Variants in PRMT9 observed in about 807,000 individuals in gnomAD.
PRMT9 encodes the protein protein arginine N-methyltransferase 9.
In PRMT9, 59 loss-of-function variants were observed where a neutral mutation model predicts 83.2. The observed-to-expected ratio is 0.71, with a 90% CI of 0.57 to 0.88. The LOEUF (loss-of-function observed/expected upper bound fraction) is 0.88, where lower values mean the gene tolerates loss of function less well. Among genes scored for constraint, PRMT9 ranks in the 40% least tolerant of loss-of-function variants. The probability of loss-of-function intolerance (pLI) is 0.00; values close to 1 mark genes in which losing one functional copy is unlikely to be tolerated. For missense variants in PRMT9, 947 were observed against 1,021.9 expected (o/e 0.93, Z 1.00); for synonymous variants, 333 against 353.2 (o/e 0.94, Z 0.64).
chr4:147,670,474 C>T (rs1339840849), intron 5 of PRMT9, among the ~76,000 whole-genome samples, 167 bp downstream of exon 5: 2 of 152,200 alleles, frequency 1.3e-5, no homozygotes, highest in Non-Finnish European at 2.9e-5. Context: ...CCACTGCACC[C>T]GGCCAGTAAA....
intron 9 of PRMT9, among the ~76,000 whole-genome samples, chr4:147,653,628 C>A (rs748000618): frequency 1.3e-5 from 2 of 151,932 alleles, no homozygotes; most frequent in Non-Finnish European, 2.9e-5. Flanking sequence ...ATTATGGGAA[C>A]GTGTCAAAAA....
At chr4:147,649,796 C>T (rs1260234385) in intron 9 of PRMT9, among the ~76,000 whole-genome samples, 1 of 152,040 alleles carries the variant, frequency 6.6e-6, no homozygotes, top group Non-Finnish European at 1.5e-5. Flanking sequence ...TGAGCCACCG[C>T]ATCCAGCAAG....
In PRMT9 at chr4:147,683,981, T is replaced by A. The variant is rs1017649553; in HGVS notation, c.7A>T (p.Asn3Tyr). The change falls in exon 1 of 12, where the codon AAC (asparagine) becomes TAC (tyrosine). Residue 3 changes from asparagine (N) to tyrosine (Y), a missense_variant. By Grantham distance (143) the Asn-to-Tyr change is moderately radical. Coordinates refer to ENST00000322396, the MANE Select transcript of PRMT9 (RefSeq NM_138364.4). MS[N>Y]SRPRSRRDAG... ...TCTCGGCGGGACCTGGGCCGCGAGT[T>A]CGACATGGCAGTCACCACTTGTATG... is the stretch of plus-strand genomic sequence containing the variant. 2 of 1,612,682 alleles carry A rather than the reference T, an allele frequency of 1.2e-6. No individual in the cohort carries two copies. The highest frequency in any genetic ancestry group is 2.7e-5 in the African/African-American group (2 of 74,918).
intron 2 of PRMT9, among the ~76,000 whole-genome samples, chr4:147,675,024 AG>A (rs1456655296): frequency 6.6e-6 from 1 of 152,126 alleles, no homozygotes; most frequent in Non-Finnish European, 1.5e-5. Flanking sequence ...TTTGTTGCCC[AG>A]GCTGGAGTGC....
chr4:147,650,048 G>A (rs567077427), intron 9 of PRMT9, among the ~76,000 whole-genome samples: 8 of 152,308 alleles, frequency 5.3e-5, no homozygotes, highest in African/African-American at 1.9e-4. Flanking sequence ...AGCCATATAT[G>A]AAAAGCCCAC....
At chr4:147,647,571 G>A (rs1733810631) in intron 9 of PRMT9, among the ~76,000 whole-genome samples, 1 of 149,048 alleles carries the variant, frequency 6.7e-6, no homozygotes, top group Admixed American at 6.7e-5. Context: ...TGCCCAGGCT[G>A]GAGTGCAGTG....
intron 1 of PRMT9, among the ~76,000 whole-genome samples, chr4:147,682,859 G>A (rs1736585423): frequency 6.6e-6 from 1 of 152,062 alleles, no homozygotes; most frequent in African/African-American, 2.4e-5. Flanking sequence ...ACATTTAGTG[G>A]GTAGAGATCA....
chr4:147,679,508 G>A (rs1736316824), intron 2 of PRMT9, among the ~76,000 whole-genome samples: 1 of 152,086 alleles, frequency 6.6e-6, no homozygotes, highest in Non-Finnish European at 1.5e-5. Flanking sequence ...AGCAGTTTGG[G>A]AGGCTGAGGC....
intron 1 of PRMT9, among the ~76,000 whole-genome samples, chr4:147,682,248 C>T (rs964987290): frequency 3.9e-5 from 6 of 152,036 alleles, no homozygotes; most frequent in Non-Finnish European, 7.4e-5. Flanking sequence ...GGCGTGATCT[C>T]GGCTCACCAC....
chr4:147,670,607 C>G (rs748002634), intron 5 of PRMT9, 34 bp downstream of exon 5: 6 of 1,255,822 alleles, frequency 4.8e-6, no homozygotes, highest in Non-Finnish European at 7.0e-6. Context: ...ATAACGAATT[C>G]TTAATCAGTT....
In PRMT9 at chr4:147,672,024, A is replaced by G. The variant is rs189917749; in HGVS notation, c.743+935T>C. The G allele has an allele frequency of 5.7e-5, 22 of 383,948 alleles. No individual in the cohort carries two copies. In the East Asian group the frequency reaches 1.2e-3, roughly 21 times the overall value. 23.8% of individuals were successfully genotyped at this position (383,948 alleles called of 1,614,324 possible). On this transcript the variant is annotated intron_variant, in intron 4 of 11. Coordinates refer to ENST00000322396, the MANE Select transcript of PRMT9 (RefSeq NM_138364.4). Reference sequence around the variant, plus strand: ...CCAGCCTCCAGAACTGTGAGAAAATAAATGCCTATTGTTAAAGCTACCCAG... The same window carrying G: ...CCAGCCTCCAGAACTGTGAGAAAATGAATGCCTATTGTTAAAGCTACCCAG...
chr4:147,645,715 T>C (rs1733682922), intron 9 of PRMT9, among the ~76,000 whole-genome samples: 1 of 152,206 alleles, frequency 6.6e-6, no homozygotes, highest in Non-Finnish European at 1.5e-5. Flanking sequence ...GGAAACAGTC[T>C]GCTCTTGTAA....
chr4:147,638,599 A>G lies in PRMT9; in HGVS notation c.2471T>C (p.Met824Thr). 6.2e-7 allele frequency: 1 copy of G among 1,613,868 alleles called. No homozygotes were observed. Among genetic ancestry groups the G allele is most frequent in the Non-Finnish European group, 8.5e-7 (1 of 1,179,864 alleles). ...VVLDNPIQVE[M>T]GEELVLSIQH... ...AATGCTGAGTACAAGTTCCTCTCCCATTTCAACCTGGATGGGATTATCTAA... is the reference window on the plus strand; with the variant it reads ...AATGCTGAGTACAAGTTCCTCTCCCGTTTCAACCTGGATGGGATTATCTAA... The change falls in exon 12 of 12, where the codon ATG becomes ACG. Residue 824 changes from methionine to threonine, a missense_variant. Transcript: ENST00000322396.
In PRMT9 at chr4:147,638,751, T is replaced by C. The variant is rs539730089; in HGVS notation, c.2323-4A>G. Reference sequence around the variant, plus strand: ...TTCCAGATTTACAAACGTATACCTATGAAAATAAAGAAATTAGGAAAATAT... The same window carrying C: ...TTCCAGATTTACAAACGTATACCTACGAAAATAAAGAAATTAGGAAAATAT... On this transcript the variant is annotated splice_polypyrimidine_tract_variant and splice_region_variant and intron_variant, in intron 11 of 11. Transcript: ENST00000322396. 9.4e-6 allele frequency: 15 copies of C among 1,600,268 alleles called. No homozygotes were observed. The South Asian group carries it at 1.4e-4, about 15-fold the overall frequency.
chr4:147,642,984 C>T (rs374007128), intron 9 of PRMT9, 44 bp from the exon 10 acceptor site: 78 of 1,580,124 alleles, frequency 4.9e-5, no homozygotes, highest in Middle Eastern at 1.7e-4. Flanking sequence ...TGGGGCAGGG[C>T]GACAGTGGCT....
At chr4:147,654,599 G>A (rs921916521) in intron 8 of PRMT9, 33 bp from the exon 9 acceptor site, 2 of 1,378,064 alleles carry the variant, frequency 1.5e-6, no homozygotes, top group African/African-American at 1.4e-5. Context: ...AAAAAAATAT[G>A]GAGTACTTAT....
At chr4:147,653,746 A>T in intron 9 of PRMT9, 106 bp downstream of exon 9, 6 of 781,398 alleles carry the variant, frequency 7.7e-6, no homozygotes, top group Non-Finnish European at 1.3e-5. Flanking sequence ...GCATACAGTG[A>T]TCTTGACTTA....
chr4:147,657,006 A>G (rs1734554010), intron 8 of PRMT9, among the ~76,000 whole-genome samples: 1 of 151,250 alleles, frequency 6.6e-6, no homozygotes, highest in African/African-American at 2.4e-5. Flanking sequence ...AAAAATTTCC[A>G]TACAAAAAAA....
chr4:147,639,011 T>TA lies in PRMT9; in HGVS notation c.2270dup (p.Leu757PhefsTer14). 6.2e-7 allele frequency: 1 copy of TA among 1,612,432 alleles called. No homozygotes were observed. Among genetic ancestry groups the TA allele is most frequent in the Non-Finnish European group, 8.5e-7 (1 of 1,178,562 alleles). The stretch of plus-strand genomic sequence containing the variant: ...AATACGGAGTCATTAAATCTAGTCT[T>TA]AAGAGTTCCACTGGCTTGCTTAAAG... On this transcript the variant is annotated frameshift_variant, in exon 11 of 12. Coordinates refer to ENST00000322396, the MANE Select transcript of PRMT9 (RefSeq NM_138364.4). LOFTEE classifies it high-confidence loss of function.
Sources: gnomAD v4.1 joint callset for allele counts (sites outside exome capture counted in the v4.1 genomes callset) on GRCh38, gnomAD v4.1.1 for gene constraint, MANE v1.5 for transcripts, NCBI Gene and HGNC (gene_info 2026-07-23, HGNC 2026-07-21) for gene names.